TNS4: variants seen among roughly 807,000 people sequenced by gnomAD.
TNS4 encodes the protein tensin 4.
A neutral mutation model predicts 70.4 loss-of-function variants in TNS4; 46 were observed. That is an observed-to-expected ratio of 0.65 (90% CI 0.52 to 0.84). TNS4 has a LOEUF of 0.84. Ranked by LOEUF, TNS4 falls within the 40% of genes least tolerant of loss-of-function variation. The pLI is 0.00. For synonymous variants in TNS4, 390 were observed against 366.6 expected, an observed-to-expected ratio of 1.06 and a Z score of -0.73; for missense variants, 863 against 907.0, an observed-to-expected ratio of 0.95 and a Z score of 0.62.
chr17:40,481,947 C>T (rs2035926450), intron 8 of TNS4, among the ~76,000 whole-genome samples, 182 bp downstream of exon 8: 1 of 152,236 alleles, frequency 6.6e-6, no homozygotes, highest in African/African-American at 2.4e-5. Context: ...AACTGAGGCT[C>T]AGAGAGGTCA....
At chr17:40,499,442 C>T (rs576276902) in intron 1 of TNS4, among the ~76,000 whole-genome samples, 27 of 152,260 alleles carry the variant, frequency 1.8e-4, no homozygotes, top group South Asian at 6.2e-4. Context: ...GTTTTGTCTG[C>T]GGCTCGTCCT....
At chr17:40,486,850 C>G (rs1053566540) in intron 4 of TNS4, among the ~76,000 whole-genome samples, 186 bp downstream of exon 4, 1 of 152,210 alleles carries the variant, frequency 6.6e-6, no homozygotes, top group African/African-American at 2.4e-5. Flanking sequence ...TTATCCTACC[C>G]TACCGTGATG....
Position 40,487,344 on chromosome 17 carries a change from G to A in TNS4, c.980C>T (p.Thr327Ile). 1.2e-6 allele frequency: 2 copies of A among 1,614,168 alleles called. No individual in the cohort carries two copies. The highest frequency in any genetic ancestry group is 1.3e-5 in the African/African-American group (1 of 75,014). Residue 327 changes from threonine to isoleucine, a missense_variant, in exon 4 of 13, where the codon ACA becomes ATA. Transcript: ENST00000254051. Reference sequence around the variant, plus strand: ...GGGAGCCTGGAAGTCACTGGGTCTTGTACACAGGGACACTGAGCCAAGGCT... The same window carrying A: ...GGGAGCCTGGAAGTCACTGGGTCTTATACACAGGGACACTGAGCCAAGGCT... Reference protein sequence around the residue: ...LHSLGSVSLCTRPSDFQAPRN... With the variant: ...LHSLGSVSLCIRPSDFQAPRN...
intron 9 of TNS4, chr17:40,480,079 A>G (rs554792331): frequency 3.7e-6 from 2 of 545,634 alleles, no homozygotes; most frequent in East Asian, 3.1e-5. Flanking sequence ...AGCATGGGGC[A>G]GGGGAGGGGA....
chr17:40,482,888 T>C (rs1194130302), intron 6 of TNS4, among the ~76,000 whole-genome samples: 2 of 151,800 alleles, frequency 1.3e-5, no homozygotes, highest in East Asian at 3.9e-4. Context: ...TCAGGAAACC[T>C]TTCTCTTCTT....
intron 8 of TNS4, 85 bp from the exon 9 acceptor site, chr17:40,480,853 C>T: frequency 6.9e-7 from 1 of 1,452,394 alleles, no homozygotes; most frequent in East Asian, 2.5e-5. Context: ...CCTCATGAAT[C>T]CCTTTGAAGA....
chr17:40,483,993 G>A (rs1216519655), intron 6 of TNS4, among the ~76,000 whole-genome samples: 1 of 152,188 alleles, frequency 6.6e-6, no homozygotes, highest in African/African-American at 2.4e-5. Flanking sequence ...ACAGTGCCTG[G>A]TGTGTGGTGA....
rs761886123 is a variant in TNS4, at chr17:40,479,442, C to T, written c.1910+232G>A. 8.8e-4 allele frequency among the ~76,000 whole-genome samples: 134 copies of T among 152,316 alleles called. 1 individual carries two copies. Among genetic ancestry groups the T allele is most frequent in the Middle Eastern group, 3.4e-3 (1 of 294 alleles). The stretch of plus-strand genomic sequence containing the variant: ...GATTACAGGCATGAGCCACCGTGCC[C>T]GGCCCCCGTTAACTCCATTTTCATC... On this transcript the variant is annotated intron_variant, in intron 10 of 12. Transcript: ENST00000254051.
Position 40,488,599 on chromosome 17 carries a change from C to T in TNS4, c.810G>A (p.Arg270=), listed in dbSNP as rs765014835. The change falls in exon 3 of 13, where the codon AGG becomes AGA. Residue 270 remains arginine (R), a synonymous_variant. Coordinates refer to ENST00000254051, the MANE Select transcript of TNS4 (RefSeq NM_032865.6). Reference sequence around the variant, plus strand: ...CTGGGCTGGCTGACAGCACAGAGATCCTGCTGCCCCGCTGTGGGGCCAGGC... The same window carrying T: ...CTGGGCTGGCTGACAGCACAGAGATTCTGCTGCCCCGCTGTGGGGCCAGGC... The part of the protein sequence containing the change: ...LGGLAPQRGS[R]ISVLSASPVS... 1.2e-5 allele frequency: 18 copies of T among 1,514,274 alleles called. No individual in the cohort carries two copies. Among genetic ancestry groups the T allele is most frequent in the South Asian group, 5.3e-5 (4 of 75,180 alleles). The allele number at this position is 1,514,274 out of a possible 1,614,324, so 93.8% of individuals were successfully genotyped here. A position where few individuals can be genotyped will look rare whatever the true frequency, so the allele number is the denominator to read the frequency against.
chr17:40,500,785 CG>C (rs901416653), intron 1 of TNS4, among the ~76,000 whole-genome samples: 6 of 152,272 alleles, frequency 3.9e-5, no homozygotes, highest in African/African-American at 1.4e-4. Flanking sequence ...AACTGGCTCC[CG>C]ATCTTCCCAT....
chr17:40,487,578 C>T, intron 3 of TNS4, 118 bp from the exon 4 acceptor site: 4 of 1,027,740 alleles, frequency 3.9e-6, no homozygotes, highest in Admixed American at 2.7e-5. Context: ...TAGAACACTG[C>T]ATACCCCACC....
rs139669092 is a variant in TNS4, at chr17:40,484,193, C to T, written c.1501+291G>A. Among the ~76,000 whole-genome samples, 1,055 of 152,278 alleles carry T rather than the reference C, an allele frequency of 6.9e-3. 8 individuals are homozygous for T. The highest frequency in any genetic ancestry group is 0.014 in the Middle Eastern group (4 of 294). ...CCAGTTTGACTCCAAGAAGAGCAGC[C>T]TAGAGGGGGCTAGGACCCTCCTCCT... is the stretch of plus-strand genomic sequence containing the variant. On this transcript the variant is annotated intron_variant, in intron 6 of 12. Coordinates refer to ENST00000254051, the MANE Select transcript of TNS4 (RefSeq NM_032865.6).
intron 10 of TNS4, 119 bp downstream of exon 10, chr17:40,479,555 C>T: frequency 1.5e-6 from 2 of 1,308,848 alleles, no homozygotes; most frequent in South Asian, 1.5e-5. Flanking sequence ...ATCACTGGCC[C>T]CGCTGGGTCA....
chr17:40,498,279 G>A (rs1259736641), intron 1 of TNS4, among the ~76,000 whole-genome samples: 4 of 152,202 alleles, frequency 2.6e-5, no homozygotes, highest in African/African-American at 9.7e-5. Context: ...GCTCCTTATG[G>A]TGTGACTCTG....
In TNS4 at chr17:40,484,623, T is replaced by G. The variant is rs1159436067; in HGVS notation, c.1376-14A>C. 2 of 1,611,184 alleles carry G rather than the reference T, an allele frequency of 1.2e-6. No individual in the cohort carries two copies. Among genetic ancestry groups the G allele is most frequent in the South Asian group, 1.1e-5 (1 of 91,072 alleles). ...GCAGCTCGATTGCTGGAACAATCCT[T>G]GAGTCAGAGATGGACACCGCCCCAC... On this transcript the variant is annotated splice_polypyrimidine_tract_variant and intron_variant, in intron 5 of 12. Transcript: ENST00000254051.
Position 40,501,351 on chromosome 17 carries a change from G to T in TNS4, c.-96+183C>A, listed in dbSNP as rs956293373. ...AATCCCTGTTACTTGGGAGGCTGAGGCAGGAGAATCGCTTGAACCCTGGAG... is the reference window on the plus strand; with the variant it reads ...AATCCCTGTTACTTGGGAGGCTGAGTCAGGAGAATCGCTTGAACCCTGGAG... On this transcript the variant is annotated intron_variant, in intron 1 of 12. Coordinates refer to ENST00000254051, the MANE Select transcript of TNS4 (RefSeq NM_032865.6). Among the ~76,000 whole-genome samples, 8 of 148,514 alleles carry T rather than the reference G, an allele frequency of 5.4e-5. No homozygotes were observed. In the Admixed American group the frequency reaches 5.6e-4, roughly 10 times the overall value.
chr17:40,488,759 G>T lies in TNS4; in HGVS notation c.650C>A (p.Pro217His), dbSNP rs1367985203. 6.2e-7 allele frequency: 1 copy of T among 1,605,064 alleles called. No individual in the cohort carries two copies. The highest frequency in any genetic ancestry group is 2.2e-5 in the East Asian group (1 of 44,774). The change falls in exon 3 of 13, where the codon CCC becomes CAC. Residue 217 changes from proline to histidine, a missense_variant. Pro to His is a moderately conservative substitution (Grantham distance 77). Transcript: ENST00000254051. ...QGRGHQRPLP[P>H]SEGLSPRPPN... is the part of the protein sequence containing the mutation. ...GGGTCGAGGGGAGAGACCCTCTGAG[G>T]GGGGCAGAGGGCGCTGGTGCCCCCT...
Position 40,487,253 on chromosome 17 carries a change from A to C in TNS4, c.1071T>G (p.His357Gln). 1 of 1,614,090 alleles carries C rather than the reference A, an allele frequency of 6.2e-7. No individual in the cohort carries two copies. Among genetic ancestry groups the C allele is most frequent in the Non-Finnish European group, 8.5e-7 (1 of 1,180,012 alleles). The part of the protein sequence containing the change: ...TPHSPPLAKE[H>Q]ASSCPPSITN... ...TGATGGATGGGGGGCAGCTGCTGGCATGTTCTTTGGCCAGTGGTGGAGAGT... is the reference window on the plus strand; with the variant it reads ...TGATGGATGGGGGGCAGCTGCTGGCCTGTTCTTTGGCCAGTGGTGGAGAGT... The change falls in exon 4 of 13, where the codon CAT becomes CAG. Residue 357 changes from histidine to glutamine, a missense_variant. Transcript: ENST00000254051.
chr17:40,481,767 AC>A (rs1234274514), intron 8 of TNS4, among the ~76,000 whole-genome samples: 2 of 152,240 alleles, frequency 1.3e-5, no homozygotes, highest in East Asian at 1.9e-4. Flanking sequence ...CAAATGCTGG[AC>A]CTGGAAAGAG....
Sources: allele counts gnomAD v4.1 joint callset (sites outside exome capture counted in the v4.1 genomes callset), GRCh38; gene constraint gnomAD v4.1.1; transcripts MANE v1.5; gene names NCBI Gene and HGNC (gene_info 2026-07-23, HGNC 2026-07-21).